DOCK6: variants seen among roughly 807,000 people sequenced by gnomAD.
DOCK6 encodes the protein dedicator of cytokinesis 6.
DOCK6 carries 167 observed loss-of-function variants against 230.3 expected under a neutral mutation model. That is an observed-to-expected ratio of 0.73 (90% CI 0.64 to 0.82). DOCK6 has a LOEUF of 0.82. Ranked by LOEUF, DOCK6 falls within the 40% of genes least tolerant of loss-of-function variation. The pLI, the probability that DOCK6 is intolerant of heterozygous loss-of-function variation, is 0.00. For synonymous variants in DOCK6, 1,148 were observed against 1,185.0 expected (o/e 0.97, Z 0.64); for missense variants, 2,598 against 2,825.8 (o/e 0.92, Z 1.83).
At chr19:11,235,512 A>G (rs2079831061) in intron 21 of DOCK6, 86 bp downstream of exon 21, 1 of 1,368,306 alleles carries the variant, frequency 7.3e-7, no homozygotes, top group Non-Finnish European at 9.8e-7. Flanking sequence ...CGGCCTCCCA[A>G]AGTCCTGGGA....
intron 18 of DOCK6, 137 bp from the exon 19 acceptor site, chr19:11,237,016 C>A (rs976622153): frequency 1.2e-6 from 1 of 847,868 alleles, no homozygotes; most frequent in Non-Finnish European, 1.8e-6. Flanking sequence ...CTGCCCCCAG[C>A]CCTGGTCCCA....
rs2079843078 is a variant in DOCK6, at chr19:11,236,099, C to CAG, written c.2392+246_2392+247insCT. ...TTCTCCATGTTGGTCAGGCTGGTCTCAAACTCTCGACCTCAGGTGATCTGC... is the reference window on the plus strand; with the variant it reads ...TTCTCCATGTTGGTCAGGCTGGTCTCAGAAACTCTCGACCTCAGGTGATCTGC... On this transcript the variant is annotated intron_variant, in intron 20 of 47. Transcript: ENST00000294618. This position sits in a 1 kb window ranked among gnomAD's most constrained non-coding sequence, Gnocchi z 5.2. The CAG allele has an allele frequency of 1.8e-6, 1 of 553,236 alleles. No individual in the cohort carries two copies. Among genetic ancestry groups the CAG allele is most frequent in the Non-Finnish European group, 3.2e-6 (1 of 317,342 alleles). The allele number at this position is 553,236 out of a possible 1,614,324, so 34.3% of individuals were successfully genotyped here.
At chr19:11,211,346 G>A (rs2079380747) in intron 37 of DOCK6, among the ~76,000 whole-genome samples, 1 of 150,722 alleles carries the variant, frequency 6.6e-6, no homozygotes, top group Non-Finnish European at 1.5e-5. Flanking sequence ...TCCTCAATGG[G>A]TCTACTCTCT....
Position 11,236,547 on chromosome 19 carries a change from C to G in DOCK6, c.2191G>C (p.Val731Leu). ...AAGGCTCCCTCCTCCAGGACGTGCA[C>G]CAGGGTGAAGAATTTGTCCAGGTAG... is the stretch of plus-strand genomic sequence containing the variant. ...DPYLDKFFTL[V>L]HVLEEGAFPF... The change falls in exon 20 of 48, where the codon GTG becomes CTG. Residue 731 changes from valine (V) to leucine (L), a missense_variant. Coordinates refer to ENST00000294618, the MANE Select transcript of DOCK6 (RefSeq NM_020812.4). The surrounding 1 kb of genome is among the most constrained non-coding windows in gnomAD (Gnocchi z 5.2). 2.5e-6 allele frequency: 4 copies of G among 1,600,048 alleles called. No homozygotes were observed. Among genetic ancestry groups the G allele is most frequent in the Non-Finnish European group, 3.4e-6 (4 of 1,173,760 alleles).
In DOCK6 at chr19:11,222,184, G is replaced by C. The variant is rs781327236; in HGVS notation, c.3305C>G (p.Pro1102Arg). 1.3e-5 allele frequency: 21 copies of C among 1,608,998 alleles called. No homozygotes were observed. Among genetic ancestry groups the C allele is most frequent in the Non-Finnish European group, 1.8e-5 (21 of 1,177,976 alleles). ...AGCTAGGAAGTGCTGCTGCCGGAAT[G>C]GTCCACTCAGTTCGAACATGCTGGT... ...KVTSMFELSG[P>R]FRQQHFLAGL... is the part of the protein sequence containing the mutation. Residue 1102 changes from proline to arginine, a missense_variant, in exon 27 of 48, where the codon CCA becomes CGA. Pro to Arg is a moderately radical substitution (Grantham distance 103). Transcript: ENST00000294618. The surrounding 1 kb of genome is among the most constrained non-coding windows in gnomAD (Gnocchi z 4.0).
Position 11,202,546 on chromosome 19 carries a change from C to T in DOCK6, c.5361+38G>A, listed in dbSNP as rs1324786466. 1 of 1,613,900 alleles carries T rather than the reference C, an allele frequency of 6.2e-7. No homozygotes were observed. Among genetic ancestry groups the T allele is most frequent in the Non-Finnish European group, 8.5e-7 (1 of 1,179,888 alleles). ...AGCCCCTACTCCAGCCCCAAGGCAG[C>T]CCCATGCCCCGTTCCACCCCCAACC... On this transcript the variant is annotated intron_variant, in intron 42 of 47. Transcript: ENST00000294618. The surrounding 1 kb of genome is among the most constrained non-coding windows in gnomAD (Gnocchi z 5.3).
At chr19:11,239,093 G>A (rs928250678) in intron 14 of DOCK6, among the ~76,000 whole-genome samples, 18 of 152,104 alleles carry the variant, frequency 1.2e-4, no homozygotes, top group African/African-American at 3.9e-4. Context: ...AATCACCCAC[G>A]GAGTAAAATG....
At chr19:11,240,056 A>G in intron 14 of DOCK6, 1 of 1,548,158 alleles carries the variant, frequency 6.5e-7, no homozygotes, top group Non-Finnish European at 8.7e-7. Context: ...CAAGATTTTC[A>G]GCGATAAACT....
At chr19:11,250,201 G>A (rs144219845) in intron 6 of DOCK6, among the ~76,000 whole-genome samples, 3,165 of 151,884 alleles carry the variant, frequency 0.021, 110 homozygotes, top group African/African-American at 0.073. Context: ...AGTAGAGATG[G>A]GGTTTCACCA....
chr19:11,211,529 G>C (rs1483519738), intron 37 of DOCK6, among the ~76,000 whole-genome samples: 1 of 134,920 alleles, frequency 7.4e-6, no homozygotes, highest in Non-Finnish European at 1.6e-5. Context: ...TCACCTGTCT[G>C]CTCCCCTATC....
intron 24 of DOCK6, 144 bp from the exon 25 acceptor site, chr19:11,223,250 TTC>T: frequency 1.4e-6 from 1 of 730,648 alleles, no homozygotes; most frequent in Non-Finnish European, 2.2e-6. Flanking sequence ...ACTCTGGGAC[TTC>T]CTGGTTGTCC....
At chr19:11,235,834 A>T in intron 20 of DOCK6, 75 bp from the exon 21 acceptor site, 2 of 1,496,168 alleles carry the variant, frequency 1.3e-6, no homozygotes, top group East Asian at 2.5e-5. Context: ...AAATATAAAG[A>T]CATCAGGATT....
At chr19:11,210,951 A>C in intron 37 of DOCK6, among the ~76,000 whole-genome samples, 1 of 144,512 alleles carries the variant, frequency 6.9e-6, no homozygotes, top group East Asian at 2.1e-4. Context: ...TCACATGTCC[A>C]CCCCCTCACT....
In DOCK6 at chr19:11,243,800, A is replaced by G. The variant is rs754888606; in HGVS notation, c.1104+2T>C. The G allele has an allele frequency of 5.7e-5, 92 of 1,613,100 alleles. No individual in the cohort carries two copies. Among genetic ancestry groups the G allele is most frequent in the Non-Finnish European group, 7.3e-5 (86 of 1,179,622 alleles). ...CCCCTAGTCCAGCCTCCACACGCTT[A>G]CCTTGGCTGTGTCCACTTCTTTCAA... is the stretch of plus-strand genomic sequence containing the variant. On this transcript the variant is annotated splice_donor_variant, in intron 10 of 47. Coordinates refer to ENST00000294618, the MANE Select transcript of DOCK6 (RefSeq NM_020812.4). LOFTEE classifies it high-confidence loss of function. This position sits in a 1 kb window ranked among gnomAD's most constrained non-coding sequence, Gnocchi z 6.3.
chr19:11,257,702 T>TCAC (rs1237913418), intron 1 of DOCK6, among the ~76,000 whole-genome samples: 1 of 151,624 alleles, frequency 6.6e-6, no homozygotes, highest in Admixed American at 6.6e-5. Flanking sequence ...GGCAAGAGAA[T>TCAC]CACTTGAACC....
In DOCK6 at chr19:11,215,746, C is replaced by T. The variant is rs963568172; in HGVS notation, c.4021+55G>A. ...GGCCCCCTTCATGGGGTCCCCTTGA[C>T]ACAAGGTGGGAGCAGCTGGTGGGAT... On this transcript the variant is annotated intron_variant, in intron 31 of 47. Transcript: ENST00000294618. 3 of 1,609,564 alleles carry T rather than the reference C, an allele frequency of 1.9e-6. No individual in the cohort carries two copies. The African/African-American group carries it at 4.0e-5, about 21-fold the overall frequency.
At chr19:11,256,443 C>T (rs558690663) in intron 1 of DOCK6, among the ~76,000 whole-genome samples, 11 of 152,224 alleles carry the variant, frequency 7.2e-5, no homozygotes, top group African/African-American at 2.6e-4. Flanking sequence ...GCCACAGAGC[C>T]AGCTGACTGC....
intron 16 of DOCK6, 84 bp downstream of exon 16, chr19:11,237,961 C>T (rs933967394): frequency 3.0e-5 from 45 of 1,501,622 alleles, no homozygotes; most frequent in Non-Finnish European, 1.9e-5. Context: ...ATCTTCCCAT[C>T]GATGCTGCCT....
chr19:11,216,067 T>A, intron 30 of DOCK6, 140 bp from the exon 31 acceptor site: 1 of 1,113,774 alleles, frequency 9.0e-7, no homozygotes, highest in Non-Finnish European at 1.2e-6. Context: ...TCCTCTAAAT[T>A]CTTAGCACTT....
Sources: gnomAD v4.1 joint callset for allele counts (sites outside exome capture counted in the v4.1 genomes callset) on GRCh38, gnomAD v4.1.1 for gene constraint, Gnocchi (gnomAD v3.1) non-coding constraint, MANE v1.5 for transcripts, NCBI Gene and HGNC (gene_info 2026-07-23, HGNC 2026-07-21) for gene names.